The following PLA2G6 variants were observed in gnomAD, a reference collection of about 807,000 sequenced individuals.
The protein encoded by PLA2G6 is phospholipase A2 group VI, also known as 85/88 kDa calcium-independent phospholipase A2.
Under a neutral mutation model 83.8 loss-of-function variants are expected in PLA2G6, and 62 were observed. The observed-to-expected ratio is 0.74, with a 90% CI of 0.60 to 0.91. The LOEUF is 0.91. PLA2G6 is among the 40% of genes least tolerant of loss of function. The pLI, the probability that PLA2G6 is intolerant of heterozygous loss-of-function variation, is 0.00. For missense variants in PLA2G6, 944 were observed against 1,102.0 expected (o/e 0.86, Z 2.03); for synonymous variants, 417 against 449.8 (o/e 0.93, Z 0.92).
At chr22:38,140,400 C>G in intron 4 of PLA2G6, 1 of 497,498 alleles carries the variant, frequency 2.0e-6, no homozygotes, top group South Asian at 2.0e-5. Context: ...CCCAGCTACT[C>G]AGGAACCTGA....
intron 1 of PLA2G6, among the ~76,000 whole-genome samples, chr22:38,170,909 G>A (rs1194309972): frequency 2.6e-5 from 4 of 152,160 alleles, no homozygotes; most frequent in South Asian, 4.1e-4. Flanking sequence ...GGTGGTTCAC[G>A]CCTGTAATCC....
At chr22:38,159,269 A>G (rs1266111061) in intron 2 of PLA2G6, among the ~76,000 whole-genome samples, 1 of 152,180 alleles carries the variant, frequency 6.6e-6, no homozygotes, top group Non-Finnish European at 1.5e-5. Context: ...CAACTTCGAT[A>G]AAATAGAAAA....
chr22:38,145,406 C>A (rs778877374), intron 3 of PLA2G6, 32 bp downstream of exon 3: 1 of 1,544,120 alleles, frequency 6.5e-7, no homozygotes, highest in South Asian at 1.2e-5. Flanking sequence ...GGTACACACA[C>A]GTTGTCCAAA....
intron 2 of PLA2G6, chr22:38,163,344 C>T (rs949576146): frequency 3.6e-5 from 6 of 166,002 alleles, no homozygotes; most frequent in South Asian, 2.1e-4. Flanking sequence ...GGAGCCTTTC[C>T]CACGCCCTCT....
At chr22:38,155,925 A>G (rs2089760373) in intron 2 of PLA2G6, among the ~76,000 whole-genome samples, 2 of 152,192 alleles carry the variant, frequency 1.3e-5, no homozygotes, top group African/African-American at 4.8e-5. Flanking sequence ...TCTGTTGCCT[A>G]CATGAAACAC....
At chr22:38,120,964 C>T (rs576759811) in intron 11 of PLA2G6, 55 bp from the exon 12 acceptor site, 10 of 1,601,322 alleles carry the variant, frequency 6.2e-6, no homozygotes, top group South Asian at 3.3e-5. Context: ...GCAGGGCTCC[C>T]GTAGAACAGC....
chr22:38,139,415 T>TTTATTTATTTATTTATTTA (rs2088752755), intron 5 of PLA2G6: 1 of 147,342 alleles, frequency 6.8e-6, no homozygotes, highest in Admixed American at 6.8e-5. Context: ...ATAAATTTAT[T>TTTATTTATTTATTTATTTA]TTTATTTATT....
chr22:38,168,521 T>G (rs2090309340), intron 2 of PLA2G6, among the ~76,000 whole-genome samples: 2 of 152,180 alleles, frequency 1.3e-5, no homozygotes, highest in African/African-American at 4.8e-5. Flanking sequence ...AAGCAAACCC[T>G]GGGCAGCCCC....
At chr22:38,119,632 C>T (rs1055164136) in intron 12 of PLA2G6, among the ~76,000 whole-genome samples, 6 of 152,062 alleles carry the variant, frequency 3.9e-5, no homozygotes, top group African/African-American at 1.4e-4. Flanking sequence ...TCAAGACTAG[C>T]CTGGACAACA....
Position 38,172,616 on chromosome 22 carries a change from G to A in PLA2G6, c.-45-3145C>T, listed in dbSNP as rs138124786. Among the ~76,000 whole-genome samples, 11 of 152,358 alleles carry A rather than the reference G, an allele frequency of 7.2e-5. No individual in the cohort carries two copies. The East Asian group carries it at 1.2e-3, about 16-fold the overall frequency. ...GGCTGAGCCTCTGGGGGCTGCAGCC[G>A]GGAAGATGGGGACCTGTGGGACTCA... On this transcript the variant is annotated intron_variant, in intron 1 of 16. Coordinates refer to ENST00000332509, the MANE Select transcript of PLA2G6 (RefSeq NM_003560.4).
chr22:38,145,369 C>T (rs111552948), intron 3 of PLA2G6, 69 bp downstream of exon 3: 2 of 1,316,410 alleles, frequency 1.5e-6, no homozygotes, highest in African/African-American at 1.4e-5. Context: ...GAACCGAGGC[C>T]TGCGGCCCCC....
intron 2 of PLA2G6, among the ~76,000 whole-genome samples, chr22:38,155,687 C>T (rs2089750395): frequency 6.6e-6 from 1 of 151,650 alleles, no homozygotes; most frequent in African/African-American, 2.4e-5. Context: ...CAGATACACA[C>T]AAAAAAATAA....
At chr22:38,120,376 C>T (rs186336698) in intron 12 of PLA2G6, among the ~76,000 whole-genome samples, 1 of 152,388 alleles carries the variant, frequency 6.6e-6, no homozygotes, top group African/African-American at 2.4e-5. Context: ...TTCCTTTTGC[C>T]TGGGCAGCAA....
In PLA2G6 at chr22:38,156,919, T is replaced by A. The variant is rs188383720; in HGVS notation, c.210-11266A>T. Among the ~76,000 whole-genome samples the A allele has an allele frequency of 3.5e-3, 527 of 152,208 alleles. 6 individuals carry two copies. The highest frequency in any genetic ancestry group is 5.6e-3 in the Non-Finnish European group (384 of 68,024). On this transcript the variant is annotated intron_variant, in intron 2 of 16. Transcript: ENST00000332509. ...AAATTAAGAAGGAAATTTAAAAACA[T>A]CCTGAAACAAATGATAATGGAAACA...
intron 2 of PLA2G6, among the ~76,000 whole-genome samples, chr22:38,162,228 A>G (rs2090046281): frequency 6.6e-6 from 1 of 151,446 alleles, no homozygotes; most frequent in Non-Finnish European, 1.5e-5. Flanking sequence ...AAAAAGAAAA[A>G]AAAAAAAAAA....
chr22:38,161,516 T>C (rs1383431532), intron 2 of PLA2G6, among the ~76,000 whole-genome samples: 1 of 151,842 alleles, frequency 6.6e-6, no homozygotes, highest in East Asian at 1.9e-4. Flanking sequence ...TTTCAATCCA[T>C]AGCAAAAAAT....
In PLA2G6 at chr22:38,127,012, C is replaced by T; in HGVS notation, c.1349-563G>A. 6 of 1,078,712 alleles carry T rather than the reference C, an allele frequency of 5.6e-6. No individual in the cohort carries two copies. The South Asian group carries it at 8.4e-5, about 15-fold the overall frequency. The allele number at this position is 1,078,712 out of a possible 1,614,324, so 66.8% of individuals were successfully genotyped here. ...ATCCCAGTGGCCTCCGGGATCAGGCCCACCATCCACTCTGTCCATGTCTTC... is the reference window on the plus strand; with the variant it reads ...ATCCCAGTGGCCTCCGGGATCAGGCTCACCATCCACTCTGTCCATGTCTTC... On this transcript the variant is annotated intron_variant, in intron 9 of 16. Transcript: ENST00000332509.
rs11570695 is a variant in PLA2G6, at chr22:38,128,959, G to A, written c.1186+495C>T. Among the ~76,000 whole-genome samples, 4 of 152,232 alleles carry A rather than the reference G, an allele frequency of 2.6e-5. No homozygotes were observed. In the East Asian group the frequency reaches 5.8e-4, roughly 22 times the overall value. ...CACAGCTGCTGAAACCCTCCAGAGC[G>A]GGCTCCAGGCCTCTGGTGAGGAGGA... On this transcript the variant is annotated intron_variant, in intron 8 of 16. Coordinates refer to ENST00000332509, the MANE Select transcript of PLA2G6 (RefSeq NM_003560.4). This position sits in a 1 kb window ranked among gnomAD's most constrained non-coding sequence, Gnocchi z 4.4.
intron 1 of PLA2G6, among the ~76,000 whole-genome samples, chr22:38,175,609 C>G (rs891981840): frequency 6.6e-6 from 1 of 152,222 alleles, no homozygotes; most frequent in African/African-American, 2.4e-5. Flanking sequence ...CCACAAAGGA[C>G]AAATGAACAA....
Sources: gnomAD v4.1 joint callset for allele counts (sites outside exome capture counted in the v4.1 genomes callset) on GRCh38, gnomAD v4.1.1 for gene constraint, Gnocchi (gnomAD v3.1) non-coding constraint, MANE v1.5 for transcripts, NCBI Gene and HGNC (gene_info 2026-07-23, HGNC 2026-07-21) for gene names.